ZNF519: variants seen among roughly 807,000 people sequenced by gnomAD.
The protein encoded by ZNF519 is similar to Zinc finger protein 85 (Zinc finger protein HPF4) (HTF1).
A neutral mutation model predicts 7.4 loss-of-function variants in ZNF519; 7 were observed. That is an observed-to-expected ratio of 0.94 (90% CI 0.54 to 1.77). The LOEUF (loss-of-function observed/expected upper bound fraction) is 1.77, where lower values mean the gene tolerates loss of function less well. ZNF519 is among the 40% of genes most tolerant of loss of function. The pLI is 0.00. For synonymous variants in ZNF519, 179 were observed against 203.3 expected (o/e 0.88, Z 1.02); for missense variants, 586 against 623.1 (o/e 0.94, Z 0.63).
At chr18:14,118,071 T>G (rs1261944032) in intron 2 of ZNF519, among the ~76,000 whole-genome samples, 1 of 152,148 alleles carries the variant, frequency 6.6e-6, no homozygotes, top group African/African-American at 2.4e-5. Context: ...AAATATTCTT[T>G]TTTTTGAGAC....
In ZNF519 at chr18:14,124,388, T is replaced by A. The variant is rs778643032; in HGVS notation, c.92A>T (p.Asp31Val). 2 of 1,612,052 alleles carry A rather than the reference T, an allele frequency of 1.2e-6. No homozygotes were observed. Among genetic ancestry groups the A allele is most frequent in the South Asian group, 1.1e-5 (1 of 90,600 alleles). ...LDPAQQNLYR[D>V]VMLENYRNLV... Reference sequence around the variant, plus strand: ...GTTTCTGTAGTTCTCCAACATCACATCTCTATATAAATTCTGTTGGGCAGG... The same window carrying A: ...GTTTCTGTAGTTCTCCAACATCACAACTCTATATAAATTCTGTTGGGCAGG... The change falls in exon 2 of 3, where the codon GAT (aspartate) becomes GTT (valine). Residue 31 changes from aspartate to valine, a missense_variant. Coordinates refer to ENST00000590202, the MANE Select transcript of ZNF519 (RefSeq NM_145287.4).
At chr18:14,096,529 T>G (rs992948321), downstream of ZNF519, among the ~76,000 whole-genome samples, 7 of 152,144 alleles carry the variant, frequency 4.6e-5, no homozygotes, top group Non-Finnish European at 8.8e-5. Flanking sequence ...TTATTTTATT[T>G]TTTAGAGACA....
chr18:14,130,661 T>C (rs533636437), intron 1 of ZNF519, among the ~76,000 whole-genome samples: 1 of 152,068 alleles, frequency 6.6e-6, no homozygotes, highest in Non-Finnish European at 1.5e-5. Flanking sequence ...CACTGTGCTT[T>C]TTGCTTTGCA....
chr18:14,132,308 A>T lies in ZNF519; in HGVS notation c.-31T>A. 6.2e-7 allele frequency: 1 copy of T among 1,613,316 alleles called. No individual in the cohort carries two copies. Among genetic ancestry groups the T allele is most frequent in the Non-Finnish European group, 8.5e-7 (1 of 1,179,478 alleles). On this transcript the variant is annotated 5_prime_UTR_variant, in exon 1 of 3. An upstream open reading frame in the 5' UTR loses its in-frame stop. Transcript: ENST00000590202. ...GGCTTCAGGGGTGTCCTGGAGTCTTAGCTATAAATCATTCAATGCCAGCAG... is the reference window on the plus strand; with the variant it reads ...GGCTTCAGGGGTGTCCTGGAGTCTTTGCTATAAATCATTCAATGCCAGCAG...
intron 1 of ZNF519, among the ~76,000 whole-genome samples, chr18:14,125,836 C>CTAATT (rs1274540839): frequency 2.0e-5 from 3 of 152,072 alleles, no homozygotes; most frequent in Admixed American, 6.6e-5. Context: ...GGGTGCCCAC[C>CTAATT]ACCGCACCCA....
rs908058198 is a variant in ZNF519, at chr18:14,104,630, T to C, written c.*287A>G. The C allele has an allele frequency of 1.7e-5, 5 of 287,436 alleles. No homozygotes were observed. Among genetic ancestry groups the C allele is most frequent in the African/African-American group, 8.7e-5 (4 of 45,976 alleles). The allele number at this position is 287,436 out of a possible 1,614,324, so 17.8% of individuals were successfully genotyped here. On this transcript the variant is annotated 3_prime_UTR_variant, in exon 3 of 3. Coordinates refer to ENST00000590202, the MANE Select transcript of ZNF519 (RefSeq NM_145287.4). ...AAAATAAGTGAACATTGAATATAAT[T>C]ATGCCTCTCCATCAATGTCGTCCCT...
chr18:14,092,703 G>A (rs2046119437), intron 2 of ZNF519, among the ~76,000 whole-genome samples: 1 of 152,066 alleles, frequency 6.6e-6, no homozygotes, highest in Admixed American at 6.5e-5. Context: ...ATGTATGTGT[G>A]TCCACACACC....
chr18:14,076,591 T>C (rs1263333215), exon 5 of ZNF519: 1 of 152,156 alleles, frequency 6.6e-6, no homozygotes, highest in Non-Finnish European at 1.5e-5. Flanking sequence ...AATGTCAGAA[T>C]TGTTTAACAT....
Position 14,080,324 on chromosome 18 carries a change from T to TTTTG in ZNF519, c.*178-2027_*178-2026insCAAA, listed in dbSNP as rs1464771869. On this transcript the variant is annotated intron_variant and NMD_transcript_variant, in intron 3 of 4. Transcript: ENST00000587419. ...GGATGACAATTTGACAGTTTTTTTTTTTTTTTTTTTTTTTTTGAGACAGAG... is the reference window on the plus strand; with the variant it reads ...GGATGACAATTTGACAGTTTTTTTTTTTTGTTTTTTTTTTTTTTTTGAGACAGAG... 26 of 91,500 alleles carry TTTTG rather than the reference T, an allele frequency of 2.8e-4. 1 individual carries two copies. The highest frequency in any genetic ancestry group is 8.7e-4 in the African/African-American group (26 of 29,958). The allele number at this position is 91,500 out of a possible 1,614,324, so 5.7% of individuals were successfully genotyped here. A position where few individuals can be genotyped will look rare whatever the true frequency, so the allele number is the denominator to read the frequency against.
downstream of ZNF519, among the ~76,000 whole-genome samples, chr18:14,098,078 C>T (rs893459270): frequency 1.3e-5 from 2 of 152,088 alleles, no homozygotes; most frequent in African/African-American, 4.8e-5. Context: ...ACAGACCTGA[C>T]CCCTATGGTC....
At chr18:14,095,613 T>A (rs1009545517), downstream of ZNF519, among the ~76,000 whole-genome samples, 4 of 152,188 alleles carry the variant, frequency 2.6e-5, no homozygotes, top group Non-Finnish European at 5.9e-5. Context: ...TCACCAGAGC[T>A]GCGGGTCTCC....
Position 14,105,461 on chromosome 18 carries a change from C to T in ZNF519, c.1079G>A (p.Gly360Glu), listed in dbSNP as rs759020763. 1.9e-6 allele frequency: 3 copies of T among 1,613,694 alleles called. No individual in the cohort carries two copies. The South Asian group carries it at 3.3e-5, about 18-fold the overall frequency. The change falls in exon 3 of 3, where the codon GGG becomes GAG. Residue 360 changes from glycine to glutamate, a missense_variant. Transcript: ENST00000590202. Reference sequence around the variant, plus strand: ...TCTCTGGTGTTGAGTAAGGTATGACCCCCTGTTAAAGGCTTTGCCACATTC... The same window carrying T: ...TCTCTGGTGTTGAGTAAGGTATGACTCCCTGTTAAAGGCTTTGCCACATTC... ...CEECGKAFNR[G>E]SYLTQHQRIH...
rs78891381 is a variant in ZNF519 at position 14,101,977 on chromosome 18, A to G, written c.*2940T>C. 7.8e-3 allele frequency: 2,886 copies of G among 371,868 alleles called. 73 individuals are homozygous for G. The highest frequency in any genetic ancestry group is 0.055 in the African/African-American group (2,670 of 48,158). 23.0% of individuals were successfully genotyped at this position (371,868 alleles called of 1,614,324 possible). A position where few individuals can be genotyped will look rare whatever the true frequency, so the allele number is the denominator to read the frequency against. On this transcript the variant is annotated 3_prime_UTR_variant, in exon 3 of 3. Coordinates refer to ENST00000590202, the MANE Select transcript of ZNF519 (RefSeq NM_145287.4). ...ATTTTAAGACATATAATATTCTCTA[A>G]TATTCAGGAATAAAGAGGTTTCCTA...
At chr18:14,091,664 A>C (rs1454324098) in intron 2 of ZNF519, among the ~76,000 whole-genome samples, 1 of 152,184 alleles carries the variant, frequency 6.6e-6, no homozygotes, top group Non-Finnish European at 1.5e-5. Context: ...ATATTATTAA[A>C]TAAAGGCATA....
At position 14,106,019 on chromosome 18, in the gene ZNF519, G is replaced by A. The variant is rs759555014; in HGVS notation, c.521C>T (p.Thr174Ile). ...ATTGTAATAGTTTTCTAGAAAATGA[G>A]TACTATGATGTTTACTAATATTTGA... is the stretch of plus-strand genomic sequence containing the variant. ...HDSNISKHHS[T>I]HFLENYYNCN... The change falls in exon 3 of 3, where the codon ACT (threonine) becomes ATT (isoleucine). Residue 174 changes from threonine (T) to isoleucine (I), a missense_variant. Coordinates refer to ENST00000590202, the MANE Select transcript of ZNF519 (RefSeq NM_145287.4). 5.1e-6 allele frequency: 8 copies of A among 1,574,756 alleles called. No individual in the cohort carries two copies. Among genetic ancestry groups the A allele is most frequent in the Non-Finnish European group, 6.9e-6 (8 of 1,156,510 alleles).
chr18:14,126,414 T>C lies in ZNF519; in HGVS notation c.4-1938A>G, dbSNP rs45450300. The stretch of plus-strand genomic sequence containing the variant: ...ATATTTATTCTTAGCAAGGTAAAAA[T>C]AATACAAATAATAACTTCTCTTCTG... On this transcript the variant is annotated intron_variant, in intron 1 of 2. Coordinates refer to ENST00000590202, the MANE Select transcript of ZNF519 (RefSeq NM_145287.4). Among the ~76,000 whole-genome samples the C allele has an allele frequency of 7.9e-3, 1,204 of 152,278 alleles. 20 individuals are homozygous for C. The highest frequency in any genetic ancestry group is 0.026 in the African/African-American group (1,099 of 41,532).
At chr18:14,080,572 G>C (rs567298713) in intron 3 of ZNF519, among the ~76,000 whole-genome samples, 34 of 152,156 alleles carry the variant, frequency 2.2e-4, no homozygotes, top group Admixed American at 1.6e-3. Flanking sequence ...CGCCCGCCTT[G>C]TTCTCCCAAA....
Position 14,108,730 on chromosome 18 carries a change from T to C in ZNF519, c.131-2321A>G, listed in dbSNP as rs184088349. ...TGAAAACAAACAGAAAAAGCAGTAG[T>C]AGCTATACTTATATCAGACAAAATA... On this transcript the variant is annotated intron_variant, in intron 2 of 2. Coordinates refer to ENST00000590202, the MANE Select transcript of ZNF519 (RefSeq NM_145287.4). 3.3e-3 allele frequency among the ~76,000 whole-genome samples: 499 copies of C among 152,136 alleles called. 1 individual carries two copies. Among genetic ancestry groups the C allele is most frequent in the Middle Eastern group, 0.014 (4 of 294 alleles).
At chr18:14,094,023 T>C (rs1182687428) in intron 2 of ZNF519, among the ~76,000 whole-genome samples, 1 of 152,268 alleles carries the variant, frequency 6.6e-6, no homozygotes, top group Non-Finnish European at 1.5e-5. Flanking sequence ...TCCTATGATC[T>C]CTGCATTTAT....
Sources: gnomAD v4.1 joint callset for allele counts (sites outside exome capture counted in the v4.1 genomes callset) on GRCh38, gnomAD v4.1.1 for gene constraint, MANE v1.5 for transcripts, NCBI Gene and HGNC (gene_info 2026-07-23, HGNC 2026-07-21) for gene names.